IQCM: variants seen among roughly 807,000 people sequenced by gnomAD.
The protein encoded by IQCM is IQ domain-containing protein M.
Under a neutral mutation model 57.6 loss-of-function variants are expected in IQCM, and 45 were observed. The ratio of observed to expected loss-of-function variants is 0.78; its 90% CI spans 0.62 to 1.00. IQCM has a LOEUF of 1.00. Ranked by LOEUF, IQCM falls within the 50% of genes least tolerant of loss-of-function variation. The probability of loss-of-function intolerance (pLI) is 0.00; values close to 1 mark genes in which losing one functional copy is unlikely to be tolerated. For synonymous variants in IQCM, 148 were observed against 158.9 expected, an observed-to-expected ratio of 0.93 and a Z score of 0.51; for missense variants, 468 against 511.6, an observed-to-expected ratio of 0.91 and a Z score of 0.82.
At chr4:149,605,749 C>T (rs976458900) in intron 8 of IQCM, among the ~76,000 whole-genome samples, 2 of 152,034 alleles carry the variant, frequency 1.3e-5, no homozygotes, top group African/African-American at 2.4e-5. Flanking sequence ...AATGTGACAC[C>T]AGCTGTAGTA....
intron 12 of IQCM, among the ~76,000 whole-genome samples, chr4:149,461,654 CA>C (rs57953107): frequency 0.067 from 4,320 of 64,196 alleles, 166 homozygotes; most frequent in African/African-American, 0.18. Context: ...ACCCAGTCTC[CA>C]AAAAAAAAAA....
intron 13 of IQCM, among the ~76,000 whole-genome samples, chr4:149,365,376 T>C (rs1445338027): frequency 6.6e-6 from 1 of 152,144 alleles, no homozygotes; most frequent in Non-Finnish European, 1.5e-5. Context: ...GAAATATACA[T>C]AACTATTTAC....
chr4:149,467,546 T>C (rs1019361626), intron 12 of IQCM, among the ~76,000 whole-genome samples: 1 of 152,200 alleles, frequency 6.6e-6, no homozygotes, highest in Admixed American at 6.6e-5. Context: ...AAACATGACA[T>C]ACTTAATAAA....
chr4:149,587,912 A>G lies in IQCM; in HGVS notation c.749+18T>C, dbSNP rs1229781059. On this transcript the variant is annotated intron_variant, in intron 9 of 13. Transcript: ENST00000636793. ...TGAGTGCATTAATTTACACTTTTCTATTATATAAAAGATATACCTGGGTTG... is the reference window on the plus strand; with the variant it reads ...TGAGTGCATTAATTTACACTTTTCTGTTATATAAAAGATATACCTGGGTTG... 3.5e-6 allele frequency: 4 copies of G among 1,156,020 alleles called. No individual in the cohort carries two copies. In the East Asian group the frequency reaches 9.6e-5, roughly 28 times the overall value. 71.6% of individuals were successfully genotyped at this position (1,156,020 alleles called of 1,614,324 possible).
intron 7 of IQCM, among the ~76,000 whole-genome samples, chr4:149,676,407 T>C (rs1309746199): frequency 1.3e-5 from 2 of 152,108 alleles, no homozygotes; most frequent in Admixed American, 1.3e-4. Flanking sequence ...TTTTAGTATA[T>C]TATGCATTAA....
intron 2 of IQCM, among the ~76,000 whole-genome samples, chr4:149,759,618 A>C (rs1407823428): frequency 6.6e-6 from 1 of 152,092 alleles, no homozygotes; most frequent in Non-Finnish European, 1.5e-5. Flanking sequence ...TTTCCTCTTA[A>C]TTTTACTGTA....
At chr4:149,417,975 G>C (rs1053768943) in intron 13 of IQCM, among the ~76,000 whole-genome samples, 8 of 151,324 alleles carry the variant, frequency 5.3e-5, no homozygotes, top group African/African-American at 1.7e-4. Context: ...GTGTTAAGGG[G>C]GAAATTTATA....
chr4:149,496,465 AAG>A (rs1742669589), intron 12 of IQCM, among the ~76,000 whole-genome samples: 1 of 152,120 alleles, frequency 6.6e-6, no homozygotes, highest in Admixed American at 6.6e-5. Flanking sequence ...GGGTCTTTAT[AAG>A]AGAGAGGCAG....
rs552846699 is a variant in IQCM, at chr4:149,368,934, G to GTATA, written c.1391-16872_1391-16869dup. On this transcript the variant is annotated intron_variant, in intron 13 of 13. Transcript: ENST00000636793. Reference sequence around the variant, plus strand: ...TATATATGTGTATATATATACACGTGTATATATATGTGTATATATATACAC... The same window carrying GTATA: ...TATATATGTGTATATATATACACGTGTATATATATATATGTGTATATATATACAC... 5.0e-3 allele frequency among the ~76,000 whole-genome samples: 320 copies of GTATA among 63,638 alleles called. 21 individuals carry two copies. Among genetic ancestry groups the GTATA allele is most frequent in the Non-Finnish European group, 5.8e-3 (184 of 31,486 alleles). The allele number at this position is 63,638 out of a possible 152,430, so 41.7% of individuals were successfully genotyped here.
chr4:149,452,712 A>C (rs534519565), intron 12 of IQCM, among the ~76,000 whole-genome samples: 1 of 151,690 alleles, frequency 6.6e-6, no homozygotes, highest in Non-Finnish European at 1.5e-5. Context: ...CGCCTCCCAA[A>C]GTTTTATTTT....
rs765005071 is a variant in IQCM, at chr4:149,687,759, G to A, written c.386-1291C>T. Among the ~76,000 whole-genome samples the A allele has an allele frequency of 3.3e-5, 5 of 152,032 alleles. No homozygotes were observed. The East Asian group carries it at 5.8e-4, about 18-fold the overall frequency. On this transcript the variant is annotated intron_variant, in intron 5 of 13. Transcript: ENST00000636793. ...CTAAAAGATAAGCCACCATGATCAA[G>A]TGGGTTTCATACCAGGGATGCAGGG...
intron 5 of IQCM, among the ~76,000 whole-genome samples, chr4:149,687,395 A>G (rs1762622598): frequency 6.7e-6 from 1 of 150,328 alleles, no homozygotes; most frequent in Admixed American, 6.7e-5. Context: ...CAATATTCAG[A>G]AAAAAAAAAT....
intron 8 of IQCM, among the ~76,000 whole-genome samples, chr4:149,612,957 C>T (rs1755436325): frequency 6.6e-6 from 1 of 151,938 alleles, no homozygotes. Flanking sequence ...TAACTCAGGA[C>T]CTGAGTTAAT....
At chr4:149,405,226 T>C (rs1008797748) in intron 13 of IQCM, among the ~76,000 whole-genome samples, 4 of 152,132 alleles carry the variant, frequency 2.6e-5, no homozygotes, top group Non-Finnish European at 4.4e-5. Context: ...AGTAGAGTGC[T>C]TGAAGGGTTT....
intron 13 of IQCM, among the ~76,000 whole-genome samples, chr4:149,384,089 A>G (rs947742147): frequency 2.6e-5 from 4 of 152,198 alleles, no homozygotes; most frequent in Non-Finnish European, 5.9e-5. Flanking sequence ...TTTGAGAATA[A>G]CATTAGAGAT....
intron 12 of IQCM, among the ~76,000 whole-genome samples, chr4:149,435,847 G>T (rs968033236): frequency 6.6e-6 from 1 of 151,988 alleles, no homozygotes; most frequent in African/African-American, 2.4e-5. Context: ...GAATAAGAAT[G>T]CAAACAAAGA....
At position 149,593,035 on chromosome 4, in the gene IQCM, A is replaced by T. The variant is rs571979569; in HGVS notation, c.682-5038T>A. 1.6e-4 allele frequency among the ~76,000 whole-genome samples: 24 copies of T among 152,254 alleles called. No homozygotes were observed. The South Asian group carries it at 5.0e-3, about 32-fold the overall frequency. On this transcript the variant is annotated intron_variant, in intron 8 of 13. Coordinates refer to ENST00000636793, the MANE Select transcript of IQCM (RefSeq NM_001363507.2). ...TGATGGGGATGGCATTGAATCTATA[A>T]ATTACCTTGGGCAGTATGGCCATTT...
chr4:149,572,558 A>G (rs2149962983), intron 9 of IQCM, among the ~76,000 whole-genome samples: 1 of 152,120 alleles, frequency 6.6e-6, no homozygotes, highest in South Asian at 2.1e-4. Context: ...ATATATATCA[A>G]ATTTCACTTC....
chr4:149,354,380 A>AC (rs1728803314), intron 13 of IQCM, among the ~76,000 whole-genome samples: 1 of 131,348 alleles, frequency 7.6e-6, no homozygotes, highest in Non-Finnish European at 1.6e-5. Flanking sequence ...AAAAAAAAAA[A>AC]AAAAAAAAAC....
Sources: gnomAD v4.1 joint callset for allele counts (sites outside exome capture counted in the v4.1 genomes callset) on GRCh38, gnomAD v4.1.1 for gene constraint, MANE v1.5 for transcripts, NCBI Gene and HGNC (gene_info 2026-07-23, HGNC 2026-07-21) for gene names.